Variants in CNTN6 observed in about 807,000 individuals in gnomAD.
The protein encoded by CNTN6 is contactin 6.
A neutral mutation model predicts 122.8 loss-of-function variants in CNTN6; 137 were observed. The ratio of observed to expected loss-of-function variants is 1.12; its 90% CI spans 0.97 to 1.29. The LOEUF (loss-of-function observed/expected upper bound fraction) is 1.29. Ranked by LOEUF, CNTN6 falls within the 50% of genes most tolerant of loss-of-function variation. CNTN6 has a pLI of 0.00. For missense variants in CNTN6, 1,634 were observed against 1,223.4 expected (o/e 1.34, Z -5.01); for synonymous variants, 570 against 426.0 (o/e 1.34, Z -4.16).
intron 4 of CNTN6, among the ~76,000 whole-genome samples, chr3:1,239,402 A>G (rs1372702918): frequency 1.3e-5 from 2 of 151,690 alleles, no homozygotes; most frequent in African/African-American, 4.8e-5. Context: ...CAAATCAAGA[A>G]CTCCACCCCT....
At chr3:1,238,194 C>T (rs559638220) in intron 4 of CNTN6, among the ~76,000 whole-genome samples, 1 of 152,184 alleles carries the variant, frequency 6.6e-6, no homozygotes, top group Admixed American at 6.5e-5. Context: ...CTTCACGAGA[C>T]TCAACTAACA....
At position 1,374,025 on chromosome 3, in the gene CNTN6, A is replaced by T; in HGVS notation, c.2047A>T (p.Ile683Phe). Residue 683 changes from isoleucine (I) to phenylalanine (F), a missense_variant, in exon 16 of 23, where the codon ATT (isoleucine) becomes TTT (phenylalanine). By Grantham distance (21) the Ile-to-Phe change is conservative. Transcript: ENST00000446702. Reference protein sequence around the residue: ...FRVVAGNSIGIGEPSEPSELL... With the variant: ...FRVVAGNSIGFGEPSEPSELL... ...TGTTGTTGCCGGCAACAGCATTGGGATTGGAGAACCAAGTGAACCATCAGA... is the reference window on the plus strand; with the variant it reads ...TGTTGTTGCCGGCAACAGCATTGGGTTTGGAGAACCAAGTGAACCATCAGA... The T allele has an allele frequency of 6.2e-7, 1 of 1,613,156 alleles. No homozygotes were observed. Among genetic ancestry groups the T allele is most frequent in the Non-Finnish European group, 8.5e-7 (1 of 1,179,326 alleles).
rs117652070 is a variant in CNTN6 at position 1,281,169 on chromosome 3, A to G, written c.454+2661A>G. Among the ~76,000 whole-genome samples, 50 of 152,304 alleles carry G rather than the reference A, an allele frequency of 3.3e-4. 1 individual carries two copies. In the East Asian group the frequency reaches 9.3e-3, roughly 28 times the overall value. ...ACACTCAGATGAAGAGAATTATACA[A>G]GGGCACGGGTCGTTGAAGGTCATCT... is the stretch of plus-strand genomic sequence containing the variant. On this transcript the variant is annotated intron_variant, in intron 5 of 22. Coordinates refer to ENST00000446702, the MANE Select transcript of CNTN6 (RefSeq NM_001289080.2).
intron 2 of CNTN6, among the ~76,000 whole-genome samples, chr3:1,190,756 A>G (rs914744642): frequency 1.3e-5 from 2 of 152,146 alleles, no homozygotes; most frequent in African/African-American, 4.8e-5. Flanking sequence ...CCAACCATAT[A>G]TCACCTTCAG....
intron 1 of CNTN6, among the ~76,000 whole-genome samples, chr3:1,139,368 T>C (rs2092557949): frequency 6.6e-6 from 1 of 152,126 alleles, no homozygotes; most frequent in Non-Finnish European, 1.5e-5. Context: ...GCAAAAATAA[T>C]TTAGCTACTT....
chr3:1,298,241 A>T lies in CNTN6; in HGVS notation c.761+250A>T, dbSNP rs945391077. On this transcript the variant is annotated intron_variant, in intron 7 of 22. Coordinates refer to ENST00000446702, the MANE Select transcript of CNTN6 (RefSeq NM_001289080.2). Reference sequence around the variant, plus strand: ...GTGCTGATATTTCCTTAGTTTAAGCATAATGAGACCCATTTAGGCAGCACA... The same window carrying T: ...GTGCTGATATTTCCTTAGTTTAAGCTTAATGAGACCCATTTAGGCAGCACA... 1.3e-5 allele frequency: 5 copies of T among 397,294 alleles called. No homozygotes were observed. In the South Asian group the frequency reaches 1.7e-4, roughly 14 times the overall value. 24.6% of individuals were successfully genotyped at this position (397,294 alleles called of 1,614,324 possible).
chr3:1,332,683 C>T (rs559102004), intron 11 of CNTN6, among the ~76,000 whole-genome samples: 7 of 151,870 alleles, frequency 4.6e-5, no homozygotes, highest in African/African-American at 1.5e-4. Flanking sequence ...CTGACTTTGG[C>T]AAAGTCATTT....
rs746931332 is a variant in CNTN6 at position 1,385,769 on chromosome 3, C to T, written c.2676C>T (p.Pro892=). Residue 892 remains proline, a synonymous_variant, in exon 20 of 23, where the codon CCC becomes CCT. Coordinates refer to ENST00000446702, the MANE Select transcript of CNTN6 (RefSeq NM_001289080.2). ...CTGCTGGGACAGGGCCCTCAAGCCC[C>T]CCAGTCAATGTTACCACCAAAAAGT... is the stretch of plus-strand genomic sequence containing the variant. ...YNTAGTGPSS[P]PVNVTTKKSP... is the part of the protein sequence containing the mutation. The T allele has an allele frequency of 1.9e-6, 3 of 1,611,506 alleles. No homozygotes were observed. The highest frequency in any genetic ancestry group is 2.5e-6 in the Non-Finnish European group (3 of 1,179,134).
At chr3:1,097,050 T>G (rs1218022109) in intron 1 of CNTN6, among the ~76,000 whole-genome samples, 2 of 152,248 alleles carry the variant, frequency 1.3e-5, no homozygotes, top group Non-Finnish European at 2.9e-5. Context: ...ATGTTGTTAT[T>G]CTCAGTATTC....
intron 17 of CNTN6, among the ~76,000 whole-genome samples, chr3:1,382,603 G>T (rs1559979471): frequency 6.6e-6 from 1 of 152,098 alleles, no homozygotes; most frequent in Admixed American, 6.5e-5. Context: ...TTTGTGCTGA[G>T]TTTAAAAATT....
chr3:1,325,597 A>G (rs974477482), intron 8 of CNTN6, among the ~76,000 whole-genome samples: 39 of 151,816 alleles, frequency 2.6e-4, no homozygotes, highest in African/African-American at 8.9e-4. Flanking sequence ...ACAGATGACA[A>G]ACATTTAACT....
At chr3:1,329,101 A>G (rs1010560888) in intron 10 of CNTN6, among the ~76,000 whole-genome samples, 1 of 151,358 alleles carries the variant, frequency 6.6e-6, no homozygotes, top group Non-Finnish European at 1.5e-5. Flanking sequence ...ATGTGTATAT[A>G]CGTATATATG....
chr3:1,331,862 GAAAA>G (rs920895702), intron 11 of CNTN6, among the ~76,000 whole-genome samples: 1 of 150,926 alleles, frequency 6.6e-6, no homozygotes, highest in East Asian at 2.0e-4. Context: ...AAGATAATAA[GAAAA>G]AAAAGCAGGA....
chr3:1,110,892 A>T (rs10865704), intron 1 of CNTN6, among the ~76,000 whole-genome samples: 113,048 of 152,086 alleles, frequency 0.74, 47,479 homozygotes, highest in East Asian at 0.99. Context: ...GTTAATTAGA[A>T]GGGGCAGTAG....
chr3:1,274,845 T>C (rs1692027365), intron 4 of CNTN6, among the ~76,000 whole-genome samples: 1 of 152,118 alleles, frequency 6.6e-6, no homozygotes, highest in Admixed American at 6.5e-5. Context: ...TTACCAATAT[T>C]CTAGGCTTCA....
At chr3:1,133,801 C>G (rs1396269392) in intron 1 of CNTN6, among the ~76,000 whole-genome samples, 1 of 152,168 alleles carries the variant, frequency 6.6e-6, no homozygotes, top group South Asian at 2.1e-4. Flanking sequence ...AAAAGGATTA[C>G]TGTTAGGGAA....
rs1372315413 is a variant in CNTN6 at position 1,352,255 on chromosome 3, A to C, written c.1365-69A>C. On this transcript the variant is annotated intron_variant, in intron 11 of 22. Coordinates refer to ENST00000446702, the MANE Select transcript of CNTN6 (RefSeq NM_001289080.2). ...ATGATTTTAGTAAAGTTTTAAAATA[A>C]AAATAAGCACTTATGATTTACCAGT... 22 of 1,341,864 alleles carry C rather than the reference A, an allele frequency of 1.6e-5. 1 individual carries two copies. The highest frequency in any genetic ancestry group is 2.1e-5 in the Non-Finnish European group (21 of 1,009,188). 83.1% of individuals were successfully genotyped at this position (1,341,864 alleles called of 1,614,324 possible).
intron 12 of CNTN6, among the ~76,000 whole-genome samples, chr3:1,363,785 G>A (rs2126112436): frequency 6.6e-6 from 1 of 152,000 alleles, no homozygotes; most frequent in East Asian, 1.9e-4. Flanking sequence ...CCACAAGAGG[G>A]ATTGCTGGGT....
intron 4 of CNTN6, among the ~76,000 whole-genome samples, chr3:1,250,267 A>G (rs1437493844): frequency 1.3e-5 from 2 of 152,190 alleles, no homozygotes; most frequent in Non-Finnish European, 1.5e-5. Context: ...GGCTTCAAAC[A>G]CAACACTGGC....
Sources: allele counts gnomAD v4.1 joint callset (sites outside exome capture counted in the v4.1 genomes callset), GRCh38; gene constraint gnomAD v4.1.1; transcripts MANE v1.5; gene names NCBI Gene and HGNC (gene_info 2026-07-23, HGNC 2026-07-21).